SNX29: variants seen among roughly 807,000 people sequenced by gnomAD.
SNX29 encodes sorting nexin 29, also known as sorting nexin-29.
SNX29 carries 78 observed loss-of-function variants against 102.1 expected under a neutral mutation model. The observed-to-expected ratio is 0.76, with a 90% CI of 0.64 to 0.92. The LOEUF (loss-of-function observed/expected upper bound fraction) is 0.92, where lower values mean the gene tolerates loss of function less well. Ranked by LOEUF, SNX29 falls within the 40% of genes least tolerant of loss-of-function variation. SNX29 has a pLI of 0.00. For missense variants in SNX29, 1,280 were observed against 1,061.7 expected (o/e 1.21, Z -2.86); for synonymous variants, 580 against 414.5 (o/e 1.40, Z -4.85).
chr16:12,325,672 G>A (rs2081091250), intron 15 of SNX29, among the ~76,000 whole-genome samples: 1 of 152,036 alleles, frequency 6.6e-6, no homozygotes, highest in Non-Finnish European at 1.5e-5. Context: ...CAATTTCTGA[G>A]AACAAAAGAA....
At chr16:12,558,997 A>G (rs1261996001) in intron 20 of SNX29, among the ~76,000 whole-genome samples, 2 of 152,170 alleles carry the variant, frequency 1.3e-5, no homozygotes, top group African/African-American at 2.4e-5. Flanking sequence ...AAATTTACAC[A>G]GTTATGGGGG....
chr16:12,439,681 T>C (rs979190413), intron 18 of SNX29, among the ~76,000 whole-genome samples: 2 of 152,204 alleles, frequency 1.3e-5, no homozygotes, highest in Non-Finnish European at 1.5e-5. Flanking sequence ...GAAGGAGTTA[T>C]GGCAGCTACA....
chr16:12,357,872 C>G (rs190849277), intron 16 of SNX29, among the ~76,000 whole-genome samples: 1 of 152,360 alleles, frequency 6.6e-6, no homozygotes, highest in Non-Finnish European at 1.5e-5. Flanking sequence ...TTCAACCCCT[C>G]AGCTTTGCTG....
intron 18 of SNX29, among the ~76,000 whole-genome samples, chr16:12,425,166 C>T (rs1173592646): frequency 1.3e-5 from 2 of 152,194 alleles, no homozygotes; most frequent in African/African-American, 4.8e-5. Context: ...TGGAGGTTGT[C>T]CTCTGGGGGT....
chr16:12,080,104 A>G (rs2051790696), intron 11 of SNX29, among the ~76,000 whole-genome samples: 1 of 152,120 alleles, frequency 6.6e-6, no homozygotes, highest in African/African-American at 2.4e-5. Flanking sequence ...TGGTACAAAA[A>G]CGTTGAAGCT....
intron 13 of SNX29, among the ~76,000 whole-genome samples, chr16:12,193,370 G>GAGGCAGGAGAATCACTTGA (rs2076692469): frequency 3.3e-5 from 5 of 151,226 alleles, no homozygotes; most frequent in Admixed American, 2.0e-4. Context: ...CTTGGGATCT[G>GAGGCAGGAGAATCACTTGA]AGGCAGGAGA....
chr16:12,446,594 A>G (rs866920907), intron 18 of SNX29, among the ~76,000 whole-genome samples: 11 of 152,186 alleles, frequency 7.2e-5, no homozygotes, highest in African/African-American at 2.4e-4. Context: ...AGGAGCCAGT[A>G]TCGATGTTTT....
intron 19 of SNX29, among the ~76,000 whole-genome samples, chr16:12,505,513 CTT>C (rs2089332272): frequency 6.6e-6 from 1 of 151,998 alleles, no homozygotes; most frequent in Non-Finnish European, 1.5e-5. Flanking sequence ...AAAAACAAAT[CTT>C]ATTTTGTATA....
chr16:12,543,526 A>G (rs1412595014), intron 20 of SNX29, among the ~76,000 whole-genome samples: 2 of 152,112 alleles, frequency 1.3e-5, no homozygotes, highest in South Asian at 4.1e-4. Context: ...GAAGCTTGTG[A>G]CACCTTTGGC....
chr16:12,083,894 T>C (rs140872355), intron 11 of SNX29, among the ~76,000 whole-genome samples: 1 of 152,336 alleles, frequency 6.6e-6, no homozygotes, highest in East Asian at 1.9e-4. Context: ...TGTACTGTAA[T>C]TGAGCTAGAG....
intron 14 of SNX29, among the ~76,000 whole-genome samples, chr16:12,253,605 G>A (rs541695404): frequency 3.3e-4 from 50 of 152,230 alleles, no homozygotes; most frequent in African/African-American, 1.0e-3. Flanking sequence ...GGATGGTGGC[G>A]GTGTGCCTGT....
At chr16:12,319,702 G>A (rs978596057) in intron 15 of SNX29, among the ~76,000 whole-genome samples, 1 of 152,110 alleles carries the variant, frequency 6.6e-6, no homozygotes, top group Non-Finnish European at 1.5e-5. Flanking sequence ...GATTGTCTCG[G>A]CCATAGCTCT....
At chr16:12,467,430 G>A (rs1477949572) in intron 18 of SNX29, among the ~76,000 whole-genome samples, 1 of 152,080 alleles carries the variant, frequency 6.6e-6, no homozygotes, top group Non-Finnish European at 1.5e-5. Context: ...AGCAGCCCCC[G>A]GTTATTGTAT....
chr16:12,538,279 C>G (rs986980479), intron 20 of SNX29, among the ~76,000 whole-genome samples: 1 of 152,096 alleles, frequency 6.6e-6, no homozygotes, highest in East Asian at 1.9e-4. Context: ...CCACACCTGG[C>G]TAATTTTGTA....
chr16:12,315,885 T>C (rs1368161713), intron 15 of SNX29, among the ~76,000 whole-genome samples: 1 of 152,216 alleles, frequency 6.6e-6, no homozygotes, highest in Non-Finnish European at 1.5e-5. Flanking sequence ...TCAGGAGGCA[T>C]CTCTTCTGGG....
chr16:12,555,113 A>G (rs1337890711), intron 20 of SNX29, among the ~76,000 whole-genome samples: 6 of 123,416 alleles, frequency 4.9e-5, no homozygotes, highest in Non-Finnish European at 8.4e-5. Flanking sequence ...GGACAATCTC[A>G]GAGTATCAAA....
At chr16:12,508,993 C>T (rs75033772) in intron 19 of SNX29, among the ~76,000 whole-genome samples, 5,530 of 152,218 alleles carry the variant, frequency 0.036, 129 homozygotes, top group East Asian at 0.068. Flanking sequence ...TAAGTCCCTC[C>T]GCTCAGTTCC....
At chr16:12,398,622 G>A (rs1239146862) in intron 17 of SNX29, 121 bp downstream of exon 17, 2 of 1,152,606 alleles carry the variant, frequency 1.7e-6, no homozygotes, top group East Asian at 2.4e-5. Context: ...CAAGGTTGAT[G>A]TGGTTCTTGT....
intron 18 of SNX29, among the ~76,000 whole-genome samples, chr16:12,416,570 C>CGCTGGGTAGTT (rs962833500): frequency 6.6e-6 from 1 of 152,164 alleles, no homozygotes; most frequent in Non-Finnish European, 1.5e-5. Flanking sequence ...GAACACCTGA[C>CGCTGGGTAGTT]GCTGGGTAGT....
Sources: gnomAD v4.1 joint callset for allele counts (sites outside exome capture counted in the v4.1 genomes callset) on GRCh38, gnomAD v4.1.1 for gene constraint, MANE v1.5 for transcripts, NCBI Gene and HGNC (gene_info 2026-07-23, HGNC 2026-07-21) for gene names.